CAPZA1: variants seen among roughly 807,000 people sequenced by gnomAD.
CAPZA1 encodes the protein F-actin-capping protein subunit alpha-1.
Under a neutral mutation model 40.8 loss-of-function variants are expected in CAPZA1, and 10 were observed. The observed-to-expected ratio is 0.25, with a 90% CI of 0.15 to 0.42. CAPZA1 has a LOEUF of 0.42. Ranked by LOEUF, CAPZA1 falls within the 10% of genes least tolerant of loss-of-function variation. The pLI is 1.00. For missense variants in CAPZA1, 277 were observed against 353.8 expected (o/e 0.78, Z 1.74); for synonymous variants, 98 against 115.0 (o/e 0.85, Z 0.95).
At chr1:112,648,963 C>CAAAA (rs34641909) in intron 2 of CAPZA1, among the ~76,000 whole-genome samples, 16 of 132,842 alleles carry the variant, frequency 1.2e-4, no homozygotes, top group African/African-American at 4.2e-4. Flanking sequence ...GACTTCGTCT[C>CAAAA]AAAAAAAAAA....
chr1:112,660,880 A>C (rs1217194987), intron 7 of CAPZA1, among the ~76,000 whole-genome samples: 8 of 102,194 alleles, frequency 7.8e-5, no homozygotes, highest in African/African-American at 3.8e-4. Context: ...GAGGAGAAGG[A>C]GGAGTCTCGC....
At chr1:112,633,350 T>C (rs533452964) in intron 1 of CAPZA1, among the ~76,000 whole-genome samples, 87 of 151,858 alleles carry the variant, frequency 5.7e-4, no homozygotes, top group Middle Eastern at 3.4e-3. Context: ...TATTCATCTT[T>C]CTGTGTCTGG....
intron 7 of CAPZA1, among the ~76,000 whole-genome samples, chr1:112,663,253 T>C (rs1338191525): frequency 6.6e-6 from 1 of 151,342 alleles, no homozygotes; most frequent in Non-Finnish European, 1.5e-5. Context: ...CGTGAGCCAC[T>C]GCACCCGGCT....
chr1:112,637,239 G>A (rs1274782973), intron 1 of CAPZA1, among the ~76,000 whole-genome samples: 1 of 152,180 alleles, frequency 6.6e-6, no homozygotes, highest in African/African-American at 2.4e-5. Flanking sequence ...TTAACAAGCT[G>A]TTTTAAAGAT....
At chr1:112,627,619 A>G (rs1402619810) in intron 1 of CAPZA1, among the ~76,000 whole-genome samples, 1 of 108,714 alleles carries the variant, frequency 9.2e-6, no homozygotes, top group African/African-American at 3.6e-5. Flanking sequence ...CCTGGCCGAC[A>G]GTGCGAGACT....
At chr1:112,659,273 C>A in intron 6 of CAPZA1, 172 bp downstream of exon 6, 1 of 586,034 alleles carries the variant, frequency 1.7e-6, no homozygotes. Flanking sequence ...TTATATTTTC[C>A]TTTAAAAGTT....
intron 5 of CAPZA1, among the ~76,000 whole-genome samples, chr1:112,655,768 G>A (rs1286789046): frequency 6.6e-6 from 1 of 152,000 alleles, no homozygotes; most frequent in Admixed American, 6.6e-5. Flanking sequence ...TCACCATGTT[G>A]GCCAGGCTGG....
intron 4 of CAPZA1, 67 bp downstream of exon 4, chr1:112,653,728 G>GCACCTGGTT: frequency 5.7e-6 from 6 of 1,052,116 alleles, no homozygotes; most frequent in Non-Finnish European, 8.7e-6. Flanking sequence ...GGAAACCAAA[G>GCACCTGGTT]CAGATGTCTG....
chr1:112,666,176 C>G (rs1037239953), intron 7 of CAPZA1, among the ~76,000 whole-genome samples: 5 of 152,194 alleles, frequency 3.3e-5, no homozygotes, highest in Non-Finnish European at 7.3e-5. Context: ...AGCAATGTCT[C>G]CTGCCACACT....
At chr1:112,660,132 G>T (rs1406328518) in intron 7 of CAPZA1, among the ~76,000 whole-genome samples, 1 of 151,980 alleles carries the variant, frequency 6.6e-6, no homozygotes, top group Non-Finnish European at 1.5e-5. Context: ...AGACTGGAGT[G>T]CAGTGACGTG....
intron 1 of CAPZA1, among the ~76,000 whole-genome samples, chr1:112,634,338 T>A (rs1261002171): frequency 6.6e-6 from 1 of 152,228 alleles, no homozygotes; most frequent in Non-Finnish European, 1.5e-5. Flanking sequence ...TGGAAAACTT[T>A]AAAAACTTTG....
chr1:112,624,033 G>GAAAAA (rs1483214144), intron 1 of CAPZA1, among the ~76,000 whole-genome samples: 1 of 131,990 alleles, frequency 7.6e-6, no homozygotes, highest in Non-Finnish European at 1.6e-5. Context: ...AAAAAGAAAA[G>GAAAAA]AAAAAGAAAT....
chr1:112,670,643 A>C lies in CAPZA1; in HGVS notation c.*511A>C, dbSNP rs1405612956. On this transcript the variant is annotated 3_prime_UTR_variant, in exon 10 of 10. Coordinates refer to ENST00000263168, the MANE Select transcript of CAPZA1 (RefSeq NM_006135.3). ...CCTTCTCCCTCTGACTGCTTTGATCATCATTTATTGCATCTCATAACTAAT... is the reference window on the plus strand; with the variant it reads ...CCTTCTCCCTCTGACTGCTTTGATCCTCATTTATTGCATCTCATAACTAAT... The C allele has an allele frequency of 6.6e-6, 1 of 152,662 alleles. No individual in the cohort carries two copies. Among genetic ancestry groups the C allele is most frequent in the Non-Finnish European group, 1.5e-5 (1 of 68,078 alleles). The allele number at this position is 152,662 out of a possible 1,614,324, so 9.5% of individuals were successfully genotyped here.
At position 112,667,341 on chromosome 1, in the gene CAPZA1, T is replaced by A. The variant is rs563030133; in HGVS notation, c.657+196T>A. On this transcript the variant is annotated intron_variant, in intron 8 of 9. Transcript: ENST00000263168. ...ACAGTTTTTGACTCACAATATTGAT[T>A]ATGACTTTAGACAAATGTCCTTCTT... Among the ~76,000 whole-genome samples, 6 of 152,346 alleles carry A rather than the reference T, an allele frequency of 3.9e-5. No individual in the cohort carries two copies. In the East Asian group the frequency reaches 9.6e-4, roughly 24 times the overall value.
chr1:112,662,144 C>T (rs1347458090), intron 7 of CAPZA1, among the ~76,000 whole-genome samples: 1 of 152,134 alleles, frequency 6.6e-6, no homozygotes, highest in Non-Finnish European at 1.5e-5. Context: ...TATCTCAACT[C>T]TGTCACCTAG....
chr1:112,642,543 A>G (rs1671192619), intron 1 of CAPZA1, among the ~76,000 whole-genome samples: 1 of 152,100 alleles, frequency 6.6e-6, no homozygotes, highest in Non-Finnish European at 1.5e-5. Context: ...GTAGGTATAC[A>G]GAGTTGATTG....
At chr1:112,666,613 T>C (rs186195552) in intron 7 of CAPZA1, among the ~76,000 whole-genome samples, 1 of 152,364 alleles carries the variant, frequency 6.6e-6, no homozygotes, top group East Asian at 1.9e-4. Flanking sequence ...ATGTGACTTT[T>C]CCTGTACCTG....
At chr1:112,644,177 C>T (rs1455540336) in intron 1 of CAPZA1, among the ~76,000 whole-genome samples, 7 of 121,174 alleles carry the variant, frequency 5.8e-5, no homozygotes, top group Non-Finnish European at 9.9e-5. Flanking sequence ...TAATTCTCTT[C>T]TCCCAGCTTT....
chr1:112,621,634 T>C (rs1480961897), intron 1 of CAPZA1, among the ~76,000 whole-genome samples: 2 of 152,240 alleles, frequency 1.3e-5, no homozygotes, highest in African/African-American at 2.4e-5. Context: ...TGTTGGATTT[T>C]TGTCTTTGAT....
Sources: gnomAD v4.1 joint callset for allele counts (sites outside exome capture counted in the v4.1 genomes callset) on GRCh38, gnomAD v4.1.1 for gene constraint, MANE v1.5 for transcripts, NCBI Gene and HGNC (gene_info 2026-07-23, HGNC 2026-07-21) for gene names.